Variants in GPR158 observed in about 807,000 individuals in gnomAD.
GPR158 encodes metabotropic glycine receptor.
A neutral mutation model predicts 78.2 loss-of-function variants in GPR158; 30 were observed. The ratio of observed to expected loss-of-function variants is 0.38; its 90% CI spans 0.29 to 0.52. The LOEUF (loss-of-function observed/expected upper bound fraction) is 0.52. Ranked by LOEUF, GPR158 falls within the 20% of genes least tolerant of loss-of-function variation. The probability of loss-of-function intolerance (pLI) is 0.83; values close to 1 mark genes in which losing one functional copy is unlikely to be tolerated. For synonymous variants in GPR158, 581 were observed against 591.1 expected (o/e 0.98, Z 0.25); for missense variants, 1,463 against 1,523.5 (o/e 0.96, Z 0.66).
At chr10:25,307,314 T>G (rs1278116171) in intron 2 of GPR158, among the ~76,000 whole-genome samples, 2 of 151,102 alleles carry the variant, frequency 1.3e-5, no homozygotes, top group African/African-American at 2.4e-5. Context: ...CACACACAGA[T>G]ATACACACAC....
rs368598156 is a variant in GPR158, at chr10:25,410,486, C to T, written c.1112-1764C>T. On this transcript the variant is annotated intron_variant, in intron 3 of 10. Transcript: ENST00000376351. ...CAAAAATTAGCCAGGCGTGGTGGCGCGTGTCTGTAGTCCCAGCTACTCAGG... is the reference window on the plus strand; with the variant it reads ...CAAAAATTAGCCAGGCGTGGTGGCGTGTGTCTGTAGTCCCAGCTACTCAGG... Among the ~76,000 whole-genome samples the T allele has an allele frequency of 4.6e-5, 7 of 152,068 alleles. No individual in the cohort carries two copies. In the South Asian group the frequency reaches 1.5e-3, roughly 32 times the overall value.
chr10:25,477,096 A>C (rs1267256290), intron 5 of GPR158, among the ~76,000 whole-genome samples: 4 of 152,088 alleles, frequency 2.6e-5, no homozygotes, highest in African/African-American at 9.7e-5. Context: ...CCTTAAACTA[A>C]AACTTAAGAC....
chr10:25,253,328 T>A (rs754207548), intron 2 of GPR158, among the ~76,000 whole-genome samples: 20 of 152,180 alleles, frequency 1.3e-4, no homozygotes, highest in Non-Finnish European at 1.8e-4. Context: ...TCGGCCATCT[T>A]GGCACCTCCC....
At chr10:25,476,228 GAAAGA>G (rs1157311817) in intron 5 of GPR158, among the ~76,000 whole-genome samples, 2 of 151,966 alleles carry the variant, frequency 1.3e-5, no homozygotes, top group African/African-American at 4.8e-5. Flanking sequence ...ATTTATAAAA[GAAAGA>G]AAAGAGAATT....
chr10:25,399,478 G>C (rs1163775509), intron 3 of GPR158, among the ~76,000 whole-genome samples: 1 of 152,286 alleles, frequency 6.6e-6, no homozygotes, highest in South Asian at 2.1e-4. Context: ...TCTAATGCCT[G>C]ATGGTCTGAG....
intron 5 of GPR158, among the ~76,000 whole-genome samples, chr10:25,546,338 A>C (rs778339735): frequency 6.6e-6 from 1 of 152,140 alleles, no homozygotes; most frequent in Admixed American, 6.6e-5. Context: ...GTATCCAAAG[A>C]GTCAAGGCAA....
chr10:25,234,199 C>G (rs140304109), intron 2 of GPR158, among the ~76,000 whole-genome samples: 17 of 152,188 alleles, frequency 1.1e-4, no homozygotes, highest in South Asian at 2.1e-4. Flanking sequence ...TTTCTGGACT[C>G]TCTCTCTCTT....
chr10:25,506,273 A>G (rs1043455429), intron 5 of GPR158, among the ~76,000 whole-genome samples: 3 of 152,210 alleles, frequency 2.0e-5, no homozygotes, highest in African/African-American at 4.8e-5. Context: ...CTGTCCATAC[A>G]TATTACTCAA....
chr10:25,357,042 A>G (rs1855564404), intron 2 of GPR158, among the ~76,000 whole-genome samples: 1 of 152,168 alleles, frequency 6.6e-6, no homozygotes, highest in Middle Eastern at 3.4e-3. Context: ...CTTGTTGGGA[A>G]CTGGAGCAAA....
intron 5 of GPR158, among the ~76,000 whole-genome samples, chr10:25,509,470 C>T (rs915451012): frequency 6.6e-6 from 1 of 152,158 alleles, no homozygotes; most frequent in Non-Finnish European, 1.5e-5. Flanking sequence ...GTCTGAGCCT[C>T]TTCTGGAAGA....
rs1398764639 is a variant in GPR158, at chr10:25,248,491, A to T, written c.1008+27334A>T. On this transcript the variant is annotated intron_variant, in intron 2 of 10. Coordinates refer to ENST00000376351, the MANE Select transcript of GPR158 (RefSeq NM_020752.3). ...TAATCCATCTTGAATTGATTTTTGT[A>T]TAAGGTGTAAGGAAGGGATCCAGTT... Among the ~76,000 whole-genome samples the T allele has an allele frequency of 2.0e-5, 3 of 150,018 alleles. No homozygotes were observed. The South Asian group carries it at 6.3e-4, about 32-fold the overall frequency.
chr10:25,508,919 T>C (rs1467991385), intron 5 of GPR158, among the ~76,000 whole-genome samples: 1 of 152,198 alleles, frequency 6.6e-6, no homozygotes, highest in African/African-American at 2.4e-5. Flanking sequence ...TTAACACGCC[T>C]TAGCATCTTT....
intron 2 of GPR158, among the ~76,000 whole-genome samples, chr10:25,329,300 C>T (rs561189756): frequency 4.6e-5 from 7 of 151,954 alleles, no homozygotes; most frequent in Admixed American, 6.5e-5. Context: ...ATTAGCCGGG[C>T]GTGGTGGCGG....
At chr10:25,447,974 C>T (rs1835159595) in intron 4 of GPR158, among the ~76,000 whole-genome samples, 1 of 152,170 alleles carries the variant, frequency 6.6e-6, no homozygotes. Flanking sequence ...CCACCCCTAA[C>T]CAGAGATAAC....
At chr10:25,470,646 G>T (rs1359460861) in intron 5 of GPR158, among the ~76,000 whole-genome samples, 1 of 152,142 alleles carries the variant, frequency 6.6e-6, no homozygotes, top group Non-Finnish European at 1.5e-5. Context: ...CAGAAGCAAT[G>T]CAGCAGTATA....
At position 25,387,910 on chromosome 10, in the gene GPR158, C is replaced by G. The variant is rs182042830; in HGVS notation, c.1009-8001C>G. Among the ~76,000 whole-genome samples the G allele has an allele frequency of 1.6e-4, 24 of 152,284 alleles. No homozygotes were observed. The East Asian group carries it at 4.6e-3, about 29-fold the overall frequency. On this transcript the variant is annotated intron_variant, in intron 2 of 10. Coordinates refer to ENST00000376351, the MANE Select transcript of GPR158 (RefSeq NM_020752.3). ...TCCATTGAAGACATCTGGTTATGGG[C>G]ACTTTTTTATTGGGAAGTTTTTTGA...
chr10:25,486,807 T>C (rs1286193455), intron 5 of GPR158, among the ~76,000 whole-genome samples: 3 of 124,106 alleles, frequency 2.4e-5, no homozygotes, highest in Middle Eastern at 4.7e-3. Flanking sequence ...CTAACTATGA[T>C]AGACCATTTT....
At chr10:25,327,052 T>C (rs949838643) in intron 2 of GPR158, among the ~76,000 whole-genome samples, 1 of 152,186 alleles carries the variant, frequency 6.6e-6, no homozygotes. Flanking sequence ...TTGATCAGCA[T>C]GTAACCTCAT....
intron 2 of GPR158, among the ~76,000 whole-genome samples, chr10:25,366,898 C>T (rs1855732371): frequency 1.3e-5 from 2 of 151,702 alleles, no homozygotes; most frequent in Non-Finnish European, 3.0e-5. Flanking sequence ...CTCCATTTCA[C>T]ATTGGCATGT....
Sources: allele counts gnomAD v4.1 joint callset (sites outside exome capture counted in the v4.1 genomes callset), GRCh38; gene constraint gnomAD v4.1.1; transcripts MANE v1.5; gene names NCBI Gene and HGNC (gene_info 2026-07-23, HGNC 2026-07-21).